PAPPA2: variants seen among roughly 807,000 people sequenced by gnomAD.
PAPPA2 encodes the protein pappalysin 2.
A neutral mutation model predicts 176.4 loss-of-function variants in PAPPA2; 86 were observed. The ratio of observed to expected loss-of-function variants is 0.49; its 90% CI spans 0.41 to 0.58. The LOEUF is 0.58. Among genes scored for constraint, PAPPA2 ranks in the 20% least tolerant of loss-of-function variants. The pLI is 0.00. For missense variants in PAPPA2, 2,073 were observed against 2,256.9 expected (o/e 0.92, Z 1.65); for synonymous variants, 809 against 852.2 (o/e 0.95, Z 0.88).
intron 3 of PAPPA2, among the ~76,000 whole-genome samples, chr1:176,599,496 T>C (rs998729893): frequency 1.3e-5 from 2 of 148,730 alleles, no homozygotes; most frequent in Non-Finnish European, 3.0e-5. Context: ...TTCTCTTTGT[T>C]AGTTTGTTCT....
At chr1:176,694,940 C>T (rs1416976381) in intron 6 of PAPPA2, among the ~76,000 whole-genome samples, 1 of 152,134 alleles carries the variant, frequency 6.6e-6, no homozygotes, top group Non-Finnish European at 1.5e-5. Context: ...GCAGTGGGTG[C>T]ACAGAGAAGG....
rs926117002 is a variant in PAPPA2 at position 176,679,415 on chromosome 1, C to A, written c.2137+8300C>A. On this transcript the variant is annotated intron_variant, in intron 4 of 22. Transcript: ENST00000367662. ...CAAATACCCCAAAATTAACATGTTG[C>A]AACTTGCTTCTTCTCTAGATTTAGT... 2.6e-5 allele frequency among the ~76,000 whole-genome samples: 4 copies of A among 152,188 alleles called. 1 individual carries two copies. Among genetic ancestry groups the A allele is most frequent in the Admixed American group, 1.3e-4 (2 of 15,270 alleles).
At position 176,555,394 on chromosome 1, in the gene PAPPA2, C is replaced by G. The variant is rs1449553201; in HGVS notation, c.-916-13C>G. 6.6e-6 allele frequency: 1 copy of G among 152,260 alleles called. No individual in the cohort carries two copies. Among genetic ancestry groups the G allele is most frequent in the African/African-American group, 2.4e-5 (1 of 41,444 alleles). The allele number at this position is 152,260 out of a possible 1,614,324, so 9.4% of individuals were successfully genotyped here. A position where few individuals can be genotyped will look rare whatever the true frequency, so the allele number is the denominator to read the frequency against. On this transcript the variant is annotated splice_polypyrimidine_tract_variant and intron_variant, in intron 1 of 22. Coordinates refer to ENST00000367662, the MANE Select transcript of PAPPA2 (RefSeq NM_020318.3). ...GTATGCTCTTCTTTTTGCTCTTTTC[C>G]CGATCTTCCCAGGAACCCACAAGAC...
chr1:176,667,260 A>T (rs1419425493), intron 3 of PAPPA2, among the ~76,000 whole-genome samples: 1 of 151,970 alleles, frequency 6.6e-6, no homozygotes, highest in East Asian at 1.9e-4. Flanking sequence ...AAAAAAAAGA[A>T]AAAAAAAGAA....
intron 4 of PAPPA2, among the ~76,000 whole-genome samples, chr1:176,674,612 T>C (rs1558511421): frequency 1.3e-5 from 2 of 152,140 alleles, no homozygotes; most frequent in Non-Finnish European, 2.9e-5. Flanking sequence ...TATGGCTGAG[T>C]AGTATTCTAT....
intron 12 of PAPPA2, among the ~76,000 whole-genome samples, chr1:176,731,733 A>G (rs1662164506): frequency 6.7e-6 from 1 of 149,700 alleles, no homozygotes; most frequent in South Asian, 2.1e-4. Flanking sequence ...ATATGTGTAC[A>G]TATACATGCG....
intron 3 of PAPPA2, among the ~76,000 whole-genome samples, chr1:176,629,203 G>T (rs1481643376): frequency 6.6e-6 from 1 of 152,148 alleles, no homozygotes; most frequent in Non-Finnish European, 1.5e-5. Flanking sequence ...CCATCAGAAG[G>T]TGTTTCCCCC....
In PAPPA2 at chr1:176,556,589, C is replaced by G; in HGVS notation, c.267C>G (p.Ile89Met). The change falls in exon 2 of 23, where the codon ATC (isoleucine) becomes ATG (methionine). Residue 89 changes from isoleucine to methionine, a missense_variant. Physicochemically the swap from Ile to Met is conservative, Grantham distance 10. Coordinates refer to ENST00000367662, the MANE Select transcript of PAPPA2 (RefSeq NM_020318.3). ...CCTACCCCGTGGGGGAGCAAGAAAT[C>G]CATCATACAGGACGCAGCAAACCAG... The part of the protein sequence containing the change: ...LRPYPVGEQE[I>M]HHTGRSKPDT... 6.2e-7 allele frequency: 1 copy of G among 1,614,192 alleles called. No individual in the cohort carries two copies. The highest frequency in any genetic ancestry group is 8.5e-7 in the Non-Finnish European group (1 of 1,180,034).
chr1:176,476,944 T>C (rs1652155572), intron 1 of PAPPA2, among the ~76,000 whole-genome samples: 1 of 152,208 alleles, frequency 6.6e-6, no homozygotes, highest in Admixed American at 6.5e-5. Context: ...TGATGCCATG[T>C]TGGTGAGACA....
chr1:176,600,799 CA>C (rs1654277072), intron 3 of PAPPA2, among the ~76,000 whole-genome samples: 1 of 152,004 alleles, frequency 6.6e-6, no homozygotes, highest in African/African-American at 2.4e-5. Context: ...GTGCTCCAGG[CA>C]CAGAGTCTTT....
At chr1:176,784,871 C>G (rs181403844) in intron 17 of PAPPA2, among the ~76,000 whole-genome samples, 67 of 152,284 alleles carry the variant, frequency 4.4e-4, no homozygotes, top group African/African-American at 1.6e-3. Context: ...CAGGCATGAG[C>G]CACCGCGCCC....
chr1:176,686,063 G>A (rs539207751), intron 4 of PAPPA2, among the ~76,000 whole-genome samples: 80 of 152,264 alleles, frequency 5.3e-4, no homozygotes, highest in African/African-American at 1.8e-3. Context: ...AACATCACAA[G>A]TTTGTTTTGG....
At chr1:176,513,053 A>T (rs1385895892) in intron 1 of PAPPA2, among the ~76,000 whole-genome samples, 1 of 152,180 alleles carries the variant, frequency 6.6e-6, no homozygotes, top group Admixed American at 6.6e-5. Context: ...TCTTGCTTCC[A>T]AGGCCTTCAG....
chr1:176,697,365 T>C lies in PAPPA2; in HGVS notation c.2746+1506T>C, dbSNP rs559907609. On this transcript the variant is annotated intron_variant, in intron 7 of 22. Transcript: ENST00000367662. Reference sequence around the variant, plus strand: ...AATTATCAGACAAAATGAGAAGTTTTTGGGACTGTTAACATTGGACTTCAC... The same window carrying C: ...AATTATCAGACAAAATGAGAAGTTTCTGGGACTGTTAACATTGGACTTCAC... 2.0e-5 allele frequency among the ~76,000 whole-genome samples: 3 copies of C among 152,272 alleles called. No individual in the cohort carries two copies. In the South Asian group the frequency reaches 6.2e-4, roughly 32 times the overall value.
intron 12 of PAPPA2, among the ~76,000 whole-genome samples, chr1:176,715,496 C>T (rs1040412207): frequency 1.3e-5 from 2 of 152,144 alleles, no homozygotes; most frequent in Admixed American, 1.3e-4. Context: ...CCTCTGTGCC[C>T]CAACTGGGCT....
chr1:176,507,293 G>A (rs1648328707), intron 1 of PAPPA2, among the ~76,000 whole-genome samples: 2 of 152,106 alleles, frequency 1.3e-5, no homozygotes, highest in Admixed American at 1.3e-4. Flanking sequence ...AGTAACAGAT[G>A]CTAGTAGGGC....
intron 12 of PAPPA2, among the ~76,000 whole-genome samples, chr1:176,715,672 A>G (rs371273528): frequency 6.6e-6 from 1 of 152,194 alleles, no homozygotes; most frequent in Non-Finnish European, 1.5e-5. Context: ...ATCACCGTCT[A>G]TAACCCCTTA....
chr1:176,783,380 G>A (rs61245836), intron 17 of PAPPA2, among the ~76,000 whole-genome samples: 4,548 of 152,144 alleles, frequency 0.03, 251 homozygotes, highest in African/African-American at 0.1. Flanking sequence ...TGTTACTCTC[G>A]AAAACCCTAC....
At chr1:176,779,145 A>G (rs1469347026) in intron 17 of PAPPA2, among the ~76,000 whole-genome samples, 2 of 152,204 alleles carry the variant, frequency 1.3e-5, no homozygotes, top group Admixed American at 6.5e-5. Flanking sequence ...GACTGCTAAT[A>G]TCTATTAATC....
Sources: gnomAD v4.1 joint callset for allele counts (sites outside exome capture counted in the v4.1 genomes callset) on GRCh38, gnomAD v4.1.1 for gene constraint, MANE v1.5 for transcripts, NCBI Gene and HGNC (gene_info 2026-07-23, HGNC 2026-07-21) for gene names.